Variants in MTCL3 observed in about 807,000 individuals in gnomAD.
MTCL3 encodes the protein MTCL family member 3.
At chr6:127,514,963 G>GC in the MTCL3 span, 2 of 1,614,142 alleles carry the variant, frequency 1.2e-6, no homozygotes, top group Non-Finnish European at 1.7e-6. Flanking sequence ...AACTCGTGGC[G>GC]CATTTCCTGC....
chr6:127,508,606 G>C, the MTCL3 span, among the ~76,000 whole-genome samples: 1 of 152,162 alleles, frequency 6.6e-6, no homozygotes, highest in African/African-American at 2.4e-5. Flanking sequence ...AGAATCTTGT[G>C]TATGGGTGAG....
At chr6:127,504,037 C>G in the MTCL3 span, among the ~76,000 whole-genome samples, 1 of 152,070 alleles carries the variant, frequency 6.6e-6, no homozygotes, top group African/African-American at 2.4e-5. Context: ...AGTCTTTAGT[C>G]TCAAGGAGTT....
At chr6:127,498,176 T>C in the MTCL3 span, among the ~76,000 whole-genome samples, 1 of 152,282 alleles carries the variant, frequency 6.6e-6, no homozygotes, top group Middle Eastern at 3.4e-3. Context: ...GAAGAAAACA[T>C]TTTCAAATCA....
the MTCL3 span, among the ~76,000 whole-genome samples, chr6:127,507,858 A>AAAAAAAAAAAAAG: frequency 6.3e-5 from 8 of 127,676 alleles, no homozygotes; most frequent in Non-Finnish European, 1.2e-4. Flanking sequence ...AAAAAAAAAA[A>AAAAAAAAAAAAAG]AAAAAAAAAA....
chr6:127,475,706 C>T, the MTCL3 span: 2 of 1,585,188 alleles, frequency 1.3e-6, no homozygotes, highest in African/African-American at 1.3e-5. The surrounding 1 kb of genome is among the most constrained non-coding windows in gnomAD (Gnocchi z 7.3). Context: ...ATGGGCCCTT[C>T]GCGCTTGCGG....
chr6:127,497,014 A>G, the MTCL3 span, among the ~76,000 whole-genome samples: 1 of 152,342 alleles, frequency 6.6e-6, no homozygotes, highest in Admixed American at 6.5e-5. Context: ...GAGGTAGTCA[A>G]AGGGAAGGAA....
the MTCL3 span, among the ~76,000 whole-genome samples, chr6:127,489,214 C>T: frequency 2.0e-5 from 3 of 152,114 alleles, no homozygotes; most frequent in Non-Finnish European, 4.4e-5. Context: ...TGTTTTGGGG[C>T]ACGATTAACT....
chr6:127,482,672 C>G, the MTCL3 span, among the ~76,000 whole-genome samples: 7 of 152,184 alleles, frequency 4.6e-5, no homozygotes, highest in Non-Finnish European at 8.8e-5. The surrounding 1 kb of genome is among the most constrained non-coding windows in gnomAD (Gnocchi z 4.1). Context: ...GTATAAAATA[C>G]GAATGACATT....
chr6:127,511,333 CT>C, the MTCL3 span, among the ~76,000 whole-genome samples: 2 of 152,086 alleles, frequency 1.3e-5, no homozygotes, highest in African/African-American at 4.8e-5. Flanking sequence ...ACCTACTTTA[CT>C]TTTTTTTCTA....
At chr6:127,481,485 A>AAACAGAGCAGG in the MTCL3 span, 2 of 985,358 alleles carry the variant, frequency 2.0e-6, no homozygotes, top group Non-Finnish European at 2.4e-6. Flanking sequence ...TACCAGGAGA[A>AAACAGAGCAGG]AACAGAGCAG....
chr6:127,481,943 A>AC, the MTCL3 span, among the ~76,000 whole-genome samples: 1 of 152,108 alleles, frequency 6.6e-6, no homozygotes. Flanking sequence ...ACCGGGAATG[A>AC]CCTCTGGTCG....
the MTCL3 span, chr6:127,512,789 T>A: frequency 8.7e-7 from 1 of 1,146,386 alleles, no homozygotes; most frequent in Non-Finnish European, 1.2e-6. Flanking sequence ...AAAATTGTCC[T>A]GCAATCATAA....
At chr6:127,498,035 G>C in the MTCL3 span, among the ~76,000 whole-genome samples, 509 of 152,270 alleles carry the variant, frequency 3.3e-3, 5 homozygotes, top group African/African-American at 0.011. Context: ...CTGTAGGTTA[G>C]GCAAAGATTT....
At chr6:127,475,026 A>G in the MTCL3 span, among the ~76,000 whole-genome samples, 1 of 152,248 alleles carries the variant, frequency 6.6e-6, no homozygotes, top group Admixed American at 6.5e-5. The surrounding 1 kb of genome is among the most constrained non-coding windows in gnomAD (Gnocchi z 7.3). Flanking sequence ...ACAACAATTG[A>G]GGGTAATGGT....
At chr6:127,510,723 C>T in the MTCL3 span, among the ~76,000 whole-genome samples, 39 of 152,298 alleles carry the variant, frequency 2.6e-4, no homozygotes, top group East Asian at 3.3e-3. Flanking sequence ...GCACAAGTAA[C>T]GTATGAATAG....
the MTCL3 span, chr6:127,483,075 C>A: frequency 4.0e-6 from 4 of 1,008,060 alleles, no homozygotes; most frequent in South Asian, 3.7e-5. Context: ...AACGACAAAA[C>A]CAAGACAAAT....
At chr6:127,485,560 C>T in the MTCL3 span, among the ~76,000 whole-genome samples, 2 of 152,220 alleles carry the variant, frequency 1.3e-5, no homozygotes, top group African/African-American at 2.4e-5. Flanking sequence ...CAGTACAAAT[C>T]GCTGTGAGAT....
At chr6:127,497,009 A>G in the MTCL3 span, among the ~76,000 whole-genome samples, 1 of 152,212 alleles carries the variant, frequency 6.6e-6, no homozygotes. Context: ...GCCTGGAGGT[A>G]GTCAAAGGGA....
chr6:127,483,818 T>C, the MTCL3 span, among the ~76,000 whole-genome samples: 3 of 152,196 alleles, frequency 2.0e-5, no homozygotes, highest in African/African-American at 7.2e-5. Flanking sequence ...TATCCGTATG[T>C]ATGACTGTCT....
Sources: allele counts gnomAD v4.1 joint callset (sites outside exome capture counted in the v4.1 genomes callset), GRCh38; gene constraint gnomAD v4.1.1; non-coding constraint Gnocchi (gnomAD v3.1); transcripts MANE v1.5; gene names NCBI Gene and HGNC (gene_info 2026-07-23, HGNC 2026-07-21).